PRKG1: variants seen among roughly 807,000 people sequenced by gnomAD.
PRKG1 encodes the protein cGMP-dependent protein kinase 1.
PRKG1 carries 35 observed loss-of-function variants against 88.1 expected under a neutral mutation model. That is an observed-to-expected ratio of 0.40 (90% CI 0.30 to 0.53). The LOEUF (loss-of-function observed/expected upper bound fraction) is 0.53. Ranked by LOEUF, PRKG1 falls within the 20% of genes least tolerant of loss-of-function variation. The pLI, the probability that PRKG1 is intolerant of heterozygous loss-of-function variation, is 0.59. For synonymous variants in PRKG1, 303 were observed against 292.5 expected (o/e 1.04, Z -0.37); for missense variants, 540 against 839.8 (o/e 0.64, Z 4.41).
Position 51,625,133 on chromosome 10 carries a change from G to A in PRKG1, c.592+157297G>A, listed in dbSNP as rs566841044. 3.9e-5 allele frequency among the ~76,000 whole-genome samples: 6 copies of A among 152,276 alleles called. No homozygotes were observed. In the South Asian group the frequency reaches 8.3e-4, roughly 21 times the overall value. On this transcript the variant is annotated intron_variant, in intron 3 of 17. Transcript: ENST00000373980. ...TACCCTGCTTTGATCATTATACTAT[G>A]TGTACACGCATTGAGACATCACACT...
At chr10:52,030,319 G>A (rs994465080) in intron 5 of PRKG1, among the ~76,000 whole-genome samples, 7 of 152,092 alleles carry the variant, frequency 4.6e-5, no homozygotes, top group African/African-American at 1.2e-4. Flanking sequence ...CAGATCAGCC[G>A]CTAACTTTTC....
chr10:51,907,975 T>C (rs1842122763), intron 5 of PRKG1: 1 of 154,386 alleles, frequency 6.5e-6, no homozygotes, highest in African/African-American at 2.4e-5. Context: ...GTATGTTTGA[T>C]ACACATAATT....
At chr10:52,012,016 T>C (rs1844896932) in intron 5 of PRKG1, among the ~76,000 whole-genome samples, 1 of 152,162 alleles carries the variant, frequency 6.6e-6, no homozygotes, top group Admixed American at 6.6e-5. Flanking sequence ...AATAAACCTC[T>C]TTTCTTTTGT....
At position 51,504,527 on chromosome 10, in the gene PRKG1, T is replaced by G. The variant is rs1841136314; in HGVS notation, c.592+36691T>G. Among the ~76,000 whole-genome samples, 3 of 152,316 alleles carry G rather than the reference T, an allele frequency of 2.0e-5. No homozygotes were observed. The South Asian group carries it at 6.2e-4, about 32-fold the overall frequency. ...GTGAAGAAAGTCATTGGTAGCTTGATGGGGATGGCATTGAATCTATAAATT... is the reference window on the plus strand; with the variant it reads ...GTGAAGAAAGTCATTGGTAGCTTGAGGGGGATGGCATTGAATCTATAAATT... On this transcript the variant is annotated intron_variant, in intron 3 of 17. Coordinates refer to ENST00000373980, the MANE Select transcript of PRKG1 (RefSeq NM_006258.4).
At chr10:51,858,030 C>A (rs1206571658) in intron 4 of PRKG1, among the ~76,000 whole-genome samples, 1 of 137,672 alleles carries the variant, frequency 7.3e-6, no homozygotes, top group Non-Finnish European at 1.5e-5. Flanking sequence ...GCAGGAAAAT[C>A]CAGATTTAAT....
Position 51,920,022 on chromosome 10 carries a change from A to T in PRKG1, c.762+12452A>T, listed in dbSNP as rs1842429077. Among the ~76,000 whole-genome samples the T allele has an allele frequency of 2.0e-5, 3 of 152,162 alleles. No homozygotes were observed. In the South Asian group the frequency reaches 6.2e-4, roughly 32 times the overall value. ...CAAAATTGTTCTGTTTTGCATTTGG[A>T]TGCTTTATTACCACAACTAGATTAA... On this transcript the variant is annotated intron_variant, in intron 5 of 17. Transcript: ENST00000373980.
At chr10:51,109,713 T>C (rs1320004791) in intron 1 of PRKG1, among the ~76,000 whole-genome samples, 1 of 152,084 alleles carries the variant, frequency 6.6e-6, no homozygotes. Context: ...ATATTTCTTA[T>C]GACAACAAAA....
intron 4 of PRKG1, among the ~76,000 whole-genome samples, chr10:51,884,232 G>A (rs1458826647): frequency 6.6e-6 from 1 of 150,380 alleles, no homozygotes; most frequent in Non-Finnish European, 1.5e-5. Context: ...AGATCACGAG[G>A]TCAGGAGATC....
chr10:51,808,975 T>C (rs995353120), intron 4 of PRKG1, among the ~76,000 whole-genome samples: 9 of 152,222 alleles, frequency 5.9e-5, no homozygotes, highest in African/African-American at 2.2e-4. Context: ...TCTTATCTTA[T>C]GGTGCCACTG....
chr10:51,858,640 T>C (rs915265725), intron 4 of PRKG1, among the ~76,000 whole-genome samples: 2 of 150,964 alleles, frequency 1.3e-5, no homozygotes, highest in African/African-American at 4.9e-5. Flanking sequence ...CACATGCCTG[T>C]ACATTTTTGT....
At chr10:51,399,300 A>G (rs1431850073) in intron 2 of PRKG1, among the ~76,000 whole-genome samples, 1 of 152,182 alleles carries the variant, frequency 6.6e-6, no homozygotes, top group Non-Finnish European at 1.5e-5. Flanking sequence ...AGTGTTCCCC[A>G]GAGAAATTGG....
rs1223588085 is a variant in PRKG1 at position 51,181,224 on chromosome 10, A to ATTTTTTT, written c.478+27916_478+27922dup. 9.7e-4 allele frequency among the ~76,000 whole-genome samples: 76 copies of ATTTTTTT among 78,288 alleles called. 10 individuals are homozygous for ATTTTTTT. Among genetic ancestry groups the ATTTTTTT allele is most frequent in the African/African-American group, 1.8e-3 (36 of 19,812 alleles). The allele number at this position is 78,288 out of a possible 152,430, so 51.4% of individuals were successfully genotyped here. On this transcript the variant is annotated intron_variant, in intron 2 of 17. Coordinates refer to ENST00000373980, the MANE Select transcript of PRKG1 (RefSeq NM_006258.4). ...AAGCTGACCAAGATTATTATATAGAATTTTTTTTTTTTTTTTTTTTTTTTT... is the reference window on the plus strand; with the variant it reads ...AAGCTGACCAAGATTATTATATAGAATTTTTTTTTTTTTTTTTTTTTTTTTTTTTTTT...
chr10:52,105,742 C>G (rs2132576877), intron 7 of PRKG1, among the ~76,000 whole-genome samples: 1 of 151,930 alleles, frequency 6.6e-6, no homozygotes. Context: ...GCTTAGTACT[C>G]TTTAGTTATT....
At chr10:52,064,569 C>T (rs139513728) in intron 7 of PRKG1, among the ~76,000 whole-genome samples, 14 of 152,296 alleles carry the variant, frequency 9.2e-5, no homozygotes, top group Non-Finnish European at 1.6e-4. Flanking sequence ...GTAGCTGCAC[C>T]GGGGAGAAAA....
intron 4 of PRKG1, among the ~76,000 whole-genome samples, chr10:51,905,925 T>C (rs1049338182): frequency 1.3e-5 from 2 of 152,198 alleles, no homozygotes; most frequent in Admixed American, 1.3e-4. Flanking sequence ...ATAGTTCTTA[T>C]TTTTGTGGAT....
intron 7 of PRKG1, among the ~76,000 whole-genome samples, chr10:52,131,052 G>A (rs1248411825): frequency 6.6e-6 from 1 of 152,164 alleles, no homozygotes; most frequent in Non-Finnish European, 1.5e-5. Context: ...AGGAAATTGA[G>A]GCTTTCACTT....
chr10:51,711,921 A>G (rs1000636890), intron 3 of PRKG1, among the ~76,000 whole-genome samples: 2 of 152,226 alleles, frequency 1.3e-5, no homozygotes, highest in Non-Finnish European at 2.9e-5. Flanking sequence ...TAGTCTTTCC[A>G]TATACATTGT....
intron 3 of PRKG1, among the ~76,000 whole-genome samples, chr10:51,471,431 T>C (rs113782252): frequency 6.0e-4 from 91 of 152,028 alleles, no homozygotes; most frequent in African/African-American, 2.0e-3. Context: ...GAATACCCCT[T>C]ACTTACTCAG....
chr10:52,043,876 C>T (rs1589552419), intron 5 of PRKG1, among the ~76,000 whole-genome samples: 1 of 131,236 alleles, frequency 7.6e-6, no homozygotes. Flanking sequence ...ATTGAAAATC[C>T]ATTAAGTAAA....
Sources: allele counts gnomAD v4.1 joint callset (sites outside exome capture counted in the v4.1 genomes callset), GRCh38; gene constraint gnomAD v4.1.1; transcripts MANE v1.5; gene names NCBI Gene and HGNC (gene_info 2026-07-23, HGNC 2026-07-21).